DNAH6: variants seen among roughly 807,000 people sequenced by gnomAD.
DNAH6 encodes the protein dynein axonemal heavy chain 6, also known as axonemal beta dynein heavy chain 6.
DNAH6 carries 340 observed loss-of-function variants against 491.4 expected under a neutral mutation model. That is an observed-to-expected ratio of 0.69 (90% confidence interval 0.63 to 0.76). The LOEUF (loss-of-function observed/expected upper bound fraction) is 0.76. Among genes scored for constraint, DNAH6 ranks in the 30% least tolerant of loss-of-function variants. The pLI is 0.00. For missense variants in DNAH6, 4,443 were observed against 4,972.2 expected (o/e 0.89, Z 3.20); for synonymous variants, 1,603 against 1,686.1 (o/e 0.95, Z 1.21).
chr2:84,775,335 C>T (rs1488517511), intron 64 of DNAH6, among the ~76,000 whole-genome samples: 1 of 151,980 alleles, frequency 6.6e-6, no homozygotes, highest in Non-Finnish European at 1.5e-5. Context: ...TATGTTGAAC[C>T]AACATTGCAT....
At chr2:84,716,402 CTATG>C (rs1019424626) in intron 58 of DNAH6, among the ~76,000 whole-genome samples, 16 of 151,144 alleles carry the variant, frequency 1.1e-4, no homozygotes, top group Non-Finnish European at 2.1e-4. Context: ...ATAGGAATAC[CTATG>C]TATGTATTTT....
chr2:84,495,810 G>A, the DNAH6 span, among the ~76,000 whole-genome samples: 1 of 152,154 alleles, frequency 6.6e-6, no homozygotes, highest in South Asian at 2.1e-4. Flanking sequence ...CAACACTTAA[G>A]AGTGCCCCAC....
chr2:84,780,460 G>T (rs762244067), intron 64 of DNAH6, among the ~76,000 whole-genome samples: 1 of 152,110 alleles, frequency 6.6e-6, no homozygotes, highest in Non-Finnish European at 1.5e-5. Context: ...TGAAACTCCT[G>T]TGGTGAATTT....
intron 70 of DNAH6, among the ~76,000 whole-genome samples, chr2:84,801,965 TTA>T (rs1361922482): frequency 6.6e-6 from 1 of 151,530 alleles, no homozygotes; most frequent in Non-Finnish European, 1.5e-5. Context: ...AAACTAAGCC[TTA>T]TAAACAAAAA....
At chr2:84,781,043 T>C (rs991053838) in intron 64 of DNAH6, among the ~76,000 whole-genome samples, 2 of 152,218 alleles carry the variant, frequency 1.3e-5, no homozygotes, top group East Asian at 3.8e-4. Flanking sequence ...ATTTGCGTTG[T>C]GAGAATTCAT....
At chr2:84,673,781 T>A (rs893107378) in intron 40 of DNAH6, among the ~76,000 whole-genome samples, 4 of 152,238 alleles carry the variant, frequency 2.6e-5, no homozygotes, top group African/African-American at 9.6e-5. Context: ...CCTTATAGTC[T>A]AGCTGCATGG....
rs1243232268 is a variant in DNAH6 at position 84,812,363 on chromosome 2, A to C, written c.11762A>C (p.Lys3921Thr). 1 of 1,551,848 alleles carries C rather than the reference A, an allele frequency of 6.4e-7. No homozygotes were observed. Among genetic ancestry groups the C allele is most frequent in the Non-Finnish European group, 8.7e-7 (1 of 1,147,048 alleles). Residue 3921 changes from lysine to threonine, a missense_variant, in exon 73 of 77, where the codon AAA becomes ACA. Physicochemically the swap from Lys to Thr is moderately conservative, Grantham distance 78. This residue lies in a region of DNAH6 where 1,463 missense variants were observed against 1,656.6 expected (regional missense o/e 0.88). Coordinates refer to ENST00000389394, the MANE Select transcript of DNAH6 (RefSeq NM_001370.2). The part of the protein sequence containing the change: ...LIHTSLETLN[K>T]AIAGFVVMSE... ...CAGACTTCTCTGGAAACACTCAACA[A>C]AGCCATCGCTGGATTTGTGGTGATG... is the stretch of plus-strand genomic sequence containing the variant.
rs549429134 is a variant in DNAH6 at position 84,583,573 on chromosome 2, C to T, written c.2230-426C>T. ...GTTTGATATGGTTTGGCTGTATCTC[C>T]ACCCAAATCTCACCTTGAATTGAAT... On this transcript the variant is annotated intron_variant, in intron 14 of 76. Coordinates refer to ENST00000389394, the MANE Select transcript of DNAH6 (RefSeq NM_001370.2). Among the ~76,000 whole-genome samples, 7 of 152,304 alleles carry T rather than the reference C, an allele frequency of 4.6e-5. No homozygotes were observed. In the South Asian group the frequency reaches 1.4e-3, roughly 32 times the overall value.
At chr2:84,654,112 AAG>A (rs551584610) in intron 34 of DNAH6, among the ~76,000 whole-genome samples, 14 of 150,592 alleles carry the variant, frequency 9.3e-5, no homozygotes, top group Admixed American at 1.3e-4. Flanking sequence ...GAGAGAGAGA[AAG>A]AGAGAGAGAG....
Position 84,697,731 on chromosome 2 carries a change from G to T in DNAH6, c.7677+4G>T, listed in dbSNP as rs1166148716. 6.4e-7 allele frequency: 1 copy of T among 1,551,604 alleles called. No individual in the cohort carries two copies. The highest frequency in any genetic ancestry group is 8.7e-7 in the Non-Finnish European group (1 of 1,146,960). On this transcript the variant is annotated splice_donor_region_variant and intron_variant, in intron 47 of 76. Coordinates refer to ENST00000389394, the MANE Select transcript of DNAH6 (RefSeq NM_001370.2). Reference sequence around the variant, plus strand: ...TTCTGAGGGGAACAGAGACGAGGTAGGATGTGCCAGAGTAGTTATGTGGCT... The same window carrying T: ...TTCTGAGGGGAACAGAGACGAGGTATGATGTGCCAGAGTAGTTATGTGGCT...
At chr2:84,483,849 T>A in the DNAH6 span, among the ~76,000 whole-genome samples, 22 of 152,248 alleles carry the variant, frequency 1.4e-4, no homozygotes, top group Admixed American at 1.2e-3. Flanking sequence ...TCTTCGTGTG[T>A]GACCTCCACT....
At chr2:84,807,242 C>T (rs1012303556) in intron 71 of DNAH6, among the ~76,000 whole-genome samples, 7 of 152,212 alleles carry the variant, frequency 4.6e-5, no homozygotes, top group African/African-American at 1.7e-4. Context: ...GACTCATTGG[C>T]ACTGCTGTGG....
At chr2:84,697,032 T>G (rs571760247) in intron 46 of DNAH6, among the ~76,000 whole-genome samples, 1 of 152,314 alleles carries the variant, frequency 6.6e-6, no homozygotes, top group Admixed American at 6.5e-5. Flanking sequence ...GAAGTCACAC[T>G]TGAATTGAAT....
intron 37 of DNAH6, among the ~76,000 whole-genome samples, chr2:84,667,948 A>G (rs927220852): frequency 1.3e-5 from 2 of 152,226 alleles, no homozygotes; most frequent in African/African-American, 4.8e-5. Context: ...AGGGACATGG[A>G]TGAAGCTAGA....
In DNAH6 at chr2:84,681,520, G is replaced by T. The variant is rs1487440155; in HGVS notation, c.6908G>T (p.Cys2303Phe). The change falls in exon 42 of 77, where the codon TGT becomes TTT. Residue 2303 changes from cysteine to phenylalanine, a missense_variant. Transcript: ENST00000389394. ...TTTAACTTGAGGGACTTATCCAAAT[G>T]TGTGCAAGGTAGTGTACTGAACCCT... ...YVFNLRDLSKCVQGILQCDPG... is the reference protein window; with the variant it reads ...YVFNLRDLSKFVQGILQCDPG... The T allele has an allele frequency of 2.6e-6, 4 of 1,544,668 alleles. No homozygotes were observed. Among genetic ancestry groups the T allele is most frequent in the Non-Finnish European group, 3.5e-6 (4 of 1,144,096 alleles).
chr2:84,748,658 TTCTGAGCCC>T (rs1673184423), intron 63 of DNAH6, among the ~76,000 whole-genome samples: 7 of 152,252 alleles, frequency 4.6e-5, no homozygotes, highest in Admixed American at 3.9e-4. Context: ...TCTTCCTGTC[TTCTGAGCCC>T]TCCAAACTCT....
At chr2:84,726,288 C>T (rs959043029) in intron 60 of DNAH6, among the ~76,000 whole-genome samples, 17 of 152,158 alleles carry the variant, frequency 1.1e-4, no homozygotes, top group African/African-American at 4.1e-4. Context: ...CAGGTACTAC[C>T]TCACCTCCCA....
intron 29 of DNAH6, among the ~76,000 whole-genome samples, chr2:84,631,392 T>G (rs1688382075): frequency 6.6e-6 from 1 of 152,178 alleles, no homozygotes; most frequent in African/African-American, 2.4e-5. Context: ...CAGCACCTAA[T>G]CCACAGTGTT....
chr2:84,747,107 C>G (rs1432304210), intron 63 of DNAH6, among the ~76,000 whole-genome samples: 1 of 152,092 alleles, frequency 6.6e-6, no homozygotes, highest in Non-Finnish European at 1.5e-5. Context: ...AACATCCAAA[C>G]TATATTATTC....
Sources: gnomAD v4.1 joint callset for allele counts (sites outside exome capture counted in the v4.1 genomes callset) on GRCh38, gnomAD v4.1.1 for gene constraint, gnomAD v4.1.1 regional missense constraint, MANE v1.5 for transcripts, NCBI Gene and HGNC (gene_info 2026-07-23, HGNC 2026-07-21) for gene names.